The following ATP6V0A2 variants were observed in gnomAD, a reference collection of about 807,000 sequenced individuals.
The protein encoded by ATP6V0A2 is V-type proton ATPase 116 kDa subunit a 2.
In ATP6V0A2, 58 loss-of-function variants were observed where a neutral mutation model predicts 104.4. That is an observed-to-expected ratio of 0.56 (90% CI 0.45 to 0.69). The LOEUF (loss-of-function observed/expected upper bound fraction) is 0.69. Ranked by LOEUF, ATP6V0A2 falls within the 30% of genes least tolerant of loss-of-function variation. The pLI, the probability that ATP6V0A2 is intolerant of heterozygous loss-of-function variation, is 0.00. For missense variants in ATP6V0A2, 938 were observed against 1,062.9 expected, an observed-to-expected ratio of 0.88 and a Z score of 1.63; for synonymous variants, 376 against 397.9, an observed-to-expected ratio of 0.95 and a Z score of 0.65.
chr12:123,744,280 A>G lies in ATP6V0A2; in HGVS notation c.1269A>G (p.Leu423=). 2 of 1,613,926 alleles carry G rather than the reference A, an allele frequency of 1.2e-6. No individual in the cohort carries two copies. Among genetic ancestry groups the G allele is most frequent in the Non-Finnish European group, 1.7e-6 (2 of 1,179,968 alleles). Residue 423 remains leucine, a synonymous_variant, in exon 11 of 20, where the codon TTA becomes TTG. Transcript: ENST00000330342. This position sits in a 1 kb window ranked among gnomAD's most constrained non-coding sequence, Gnocchi z 5.4. ...TCGGACATGGCTTTGTGATGTTTTT[A>G]TTTGCCCTCTTGTTGGTGTTAAATG... ...GDFGHGFVMF[L]FALLLVLNEN...
intron 9 of ATP6V0A2, among the ~76,000 whole-genome samples, chr12:123,743,465 C>T (rs140625044): frequency 6.6e-6 from 1 of 152,128 alleles, no homozygotes; most frequent in Non-Finnish European, 1.5e-5. Context: ...ACCAGCCTGA[C>T]CTACATGGAG....
intron 8 of ATP6V0A2, among the ~76,000 whole-genome samples, chr12:123,736,287 G>A (rs1956552904): frequency 6.7e-6 from 1 of 149,570 alleles, no homozygotes; most frequent in South Asian, 2.1e-4. Context: ...TGCTTCCCAG[G>A]TTCAAGCAAT....
In ATP6V0A2 at chr12:123,754,400, T is replaced by A; in HGVS notation, c.2176-20T>A. On this transcript the variant is annotated intron_variant, in intron 17 of 19. Transcript: ENST00000330342. ...ATGTAACATCATGACTCTTAACATA[T>A]GTTGTGTGATCTCTCTCAGTTTAAT... 1 of 1,538,092 alleles carries A rather than the reference T, an allele frequency of 6.5e-7. No homozygotes were observed. Among genetic ancestry groups the A allele is most frequent in the Non-Finnish European group, 9.0e-7 (1 of 1,110,494 alleles).
At chr12:123,733,831 G>A in intron 6 of ATP6V0A2, 95 bp from the exon 7 acceptor site, 1 of 868,792 alleles carries the variant, frequency 1.2e-6, no homozygotes. Context: ...TATTGAATGA[G>A]TGAATGAATG....
At chr12:123,735,720 G>A (rs991069575) in intron 8 of ATP6V0A2, 96 bp downstream of exon 8, 39 of 1,044,328 alleles carry the variant, frequency 3.7e-5, no homozygotes, top group Non-Finnish European at 5.0e-5. Flanking sequence ...AATATTGGTC[G>A]TAGACAAATC....
intron 8 of ATP6V0A2, among the ~76,000 whole-genome samples, chr12:123,736,427 C>T (rs1000650180): frequency 1.1e-4 from 17 of 151,112 alleles, no homozygotes; most frequent in South Asian, 2.1e-4. Context: ...CTCCTGACCT[C>T]GTGATCCACC....
intron 9 of ATP6V0A2, among the ~76,000 whole-genome samples, chr12:123,742,326 C>T (rs1194193644): frequency 6.6e-6 from 1 of 152,208 alleles, no homozygotes; most frequent in Non-Finnish European, 1.5e-5. Context: ...ATCCTCTGCT[C>T]TGGAGGCTGC....
intron 2 of ATP6V0A2, among the ~76,000 whole-genome samples, chr12:123,719,471 C>T (rs1042647303): frequency 6.6e-6 from 1 of 151,684 alleles, no homozygotes; most frequent in African/African-American, 2.4e-5. Flanking sequence ...ACTGCAGACT[C>T]CGCCTCCTGG....
At chr12:123,740,689 G>C (rs1348356773) in intron 9 of ATP6V0A2, among the ~76,000 whole-genome samples, 4 of 152,102 alleles carry the variant, frequency 2.6e-5, no homozygotes, top group Non-Finnish European at 5.9e-5. Flanking sequence ...AACCTTCTTT[G>C]CTTATCTTCA....
Position 123,752,623 on chromosome 12 carries a change from T to C in ATP6V0A2, c.2175+221T>C, listed in dbSNP as rs185722916. On this transcript the variant is annotated intron_variant, in intron 17 of 19. Transcript: ENST00000330342. The stretch of plus-strand genomic sequence containing the variant: ...TCATTTTGTCCTTTCACTTCGCCAG[T>C]GGGATTTCTGCTGTTATATTAAGAG... Among the ~76,000 whole-genome samples the C allele has an allele frequency of 2.1e-3, 320 of 152,320 alleles. 1 individual carries two copies. The highest frequency in any genetic ancestry group is 4.8e-3 in the Admixed American group (73 of 15,298).
intron 7 of ATP6V0A2, 73 bp from the exon 8 acceptor site, chr12:123,735,458 T>TGTGCCGGGGAGGTGAACGTGTTTAGTTC: frequency 7.2e-7 from 1 of 1,392,564 alleles, no homozygotes; most frequent in Non-Finnish European, 1.0e-6. Context: ...TGCCAGAAGA[T>TGTGCCGGGGAGGTGAACGTGTTTAGTTC]GTGCCGGGGA....
chr12:123,712,798 G>T, intron 1 of ATP6V0A2, 116 bp downstream of exon 1: 1 of 900,584 alleles, frequency 1.1e-6, no homozygotes, highest in East Asian at 2.6e-5. Flanking sequence ...CGTCCCCATT[G>T]TCCAGACGGG....
At chr12:123,718,812 T>C in intron 2 of ATP6V0A2, 111 bp downstream of exon 2, 1 of 734,410 alleles carries the variant, frequency 1.4e-6, no homozygotes, top group East Asian at 2.7e-5. Flanking sequence ...AAAAAAGAAA[T>C]TGTATTCTCA....
intron 9 of ATP6V0A2, 140 bp from the exon 10 acceptor site, chr12:123,743,644 AC>A: frequency 1.1e-6 from 1 of 913,080 alleles, no homozygotes. Context: ...CAAGAGTGAA[AC>A]TCCGTCTCAA....
intron 1 of ATP6V0A2, among the ~76,000 whole-genome samples, chr12:123,715,317 A>G (rs906324520): frequency 2.0e-5 from 3 of 152,192 alleles, no homozygotes; most frequent in Admixed American, 6.5e-5. Flanking sequence ...GTTCCATAGA[A>G]CTAGATTGTG....
chr12:123,747,462 G>T (rs533788252), intron 13 of ATP6V0A2, 145 bp from the exon 14 acceptor site: 5 of 712,406 alleles, frequency 7.0e-6, no homozygotes, highest in Non-Finnish European at 1.3e-5. Context: ...ATGGTTCTCA[G>T]ATTGAAAGCA....
chr12:123,712,562 C>G lies in ATP6V0A2; in HGVS notation c.-4C>G, dbSNP rs772582945. On this transcript the variant is annotated 5_prime_UTR_variant, in exon 1 of 20. Transcript: ENST00000330342. ...GAGCCCCTCCGGGCGCGGGTCGGCCCGCCATGGGGTCCCTGTTCCGGAGCG... is the reference window on the plus strand; with the variant it reads ...GAGCCCCTCCGGGCGCGGGTCGGCCGGCCATGGGGTCCCTGTTCCGGAGCG... 3 of 1,580,236 alleles carry G rather than the reference C, an allele frequency of 1.9e-6. No individual in the cohort carries two copies. The highest frequency in any genetic ancestry group is 3.5e-5 in the Admixed American group (2 of 56,388).
At chr12:123,757,182 G>A (rs915438478) in intron 19 of ATP6V0A2, among the ~76,000 whole-genome samples, 196 bp downstream of exon 19, 16 of 152,196 alleles carry the variant, frequency 1.1e-4, no homozygotes, top group African/African-American at 3.9e-4. Flanking sequence ...GGCTCATGCC[G>A]GTAATCCTGG....
chr12:123,718,588 A>G (rs1404331738), intron 1 of ATP6V0A2, 35 bp from the exon 2 acceptor site: 1 of 1,481,288 alleles, frequency 6.8e-7, no homozygotes, highest in Non-Finnish European at 9.4e-7. Context: ...TTTAAATTTT[A>G]GAAATTTAAA....
Sources: gnomAD v4.1 joint callset for allele counts (sites outside exome capture counted in the v4.1 genomes callset) on GRCh38, gnomAD v4.1.1 for gene constraint, Gnocchi (gnomAD v3.1) non-coding constraint, MANE v1.5 for transcripts, NCBI Gene and HGNC (gene_info 2026-07-23, HGNC 2026-07-21) for gene names.